The following EXT1 variants were observed in gnomAD, a reference collection of about 807,000 sequenced individuals.
EXT1 encodes the protein exostosin-1.
In EXT1, 20 loss-of-function variants were observed where a neutral mutation model predicts 82.5. The ratio of observed to expected loss-of-function variants is 0.24; its 90% confidence interval spans 0.17 to 0.35. EXT1 has a LOEUF of 0.35. EXT1 is among the 10% of genes least tolerant of loss of function. EXT1 has a pLI of 1.00. For synonymous variants in EXT1, 348 were observed against 350.8 expected (o/e 0.99, Z 0.09); for missense variants, 757 against 936.5 (o/e 0.81, Z 2.50).
At chr8:118,102,281 C>T (rs1817733804) in intron 1 of EXT1, among the ~76,000 whole-genome samples, 1 of 148,070 alleles carries the variant, frequency 6.8e-6, no homozygotes, top group South Asian at 2.1e-4. Context: ...TAATAATAAA[C>T]AAATAAAATA....
At chr8:117,935,224 C>G (rs1471763004) in intron 1 of EXT1, among the ~76,000 whole-genome samples, 1 of 152,042 alleles carries the variant, frequency 6.6e-6, no homozygotes, top group Non-Finnish European at 1.5e-5. Flanking sequence ...CTAATAGTGT[C>G]ATGTCCATGG....
rs142137532 is a variant in EXT1, at chr8:117,796,830, G to A, written c.*2882C>T. 4.4e-4 allele frequency: 67 copies of A among 152,240 alleles called. No homozygotes were observed. In the East Asian group the frequency reaches 0.013, roughly 29 times the overall value. The allele number at this position is 152,240 out of a possible 1,614,324, so 9.4% of individuals were successfully genotyped here. ...AAAGGTGATATGTATTAATGTATTT[G>A]TAAGCTTTGATATTTATAACACTTT... On this transcript the variant is annotated 3_prime_UTR_variant, in exon 11 of 11. Transcript: ENST00000378204.
chr8:117,809,218 A>AT (rs1823280806), intron 8 of EXT1, among the ~76,000 whole-genome samples: 1 of 107,944 alleles, frequency 9.3e-6, no homozygotes. Flanking sequence ...TGTGTGTATA[A>AT]ATATATATAT....
At chr8:117,846,876 C>T (rs1812370563) in intron 1 of EXT1, among the ~76,000 whole-genome samples, 1 of 152,128 alleles carries the variant, frequency 6.6e-6, no homozygotes, top group Non-Finnish European at 1.5e-5. Context: ...GGAGGGAGCA[C>T]TTCTTCCCTA....
chr8:118,008,230 G>A (rs922986759), intron 1 of EXT1, among the ~76,000 whole-genome samples: 1 of 151,956 alleles, frequency 6.6e-6, no homozygotes, highest in African/African-American at 2.4e-5. Context: ...CTTCCACAAT[G>A]GTTGAGCTAA....
chr8:117,867,349 G>A (rs1159663448), intron 1 of EXT1, among the ~76,000 whole-genome samples: 1 of 151,754 alleles, frequency 6.6e-6, no homozygotes, highest in Non-Finnish European at 1.5e-5. Context: ...TCCTGCTAGA[G>A]GTAGTGGTGG....
At position 117,851,650 on chromosome 8, in the gene EXT1, C is replaced by CACACACACACACACACACA. The variant is rs57555594; in HGVS notation, c.963-14450_963-14449insTGTGTGTGTGTGTGTGTGT. On this transcript the variant is annotated intron_variant, in intron 1 of 10. Transcript: ENST00000378204. ...ACACACACACACACACACACACACA[C>CACACACACACACACACACA]CATTATTTAATTTATTTAATGCATT... is the stretch of plus-strand genomic sequence containing the variant. Among the ~76,000 whole-genome samples, 3 of 146,418 alleles carry CACACACACACACACACACA rather than the reference C, an allele frequency of 2.0e-5. No individual in the cohort carries two copies. In the East Asian group the frequency reaches 6.0e-4, roughly 29 times the overall value.
chr8:117,919,786 GA>G (rs1214335462), intron 1 of EXT1, among the ~76,000 whole-genome samples: 1 of 152,134 alleles, frequency 6.6e-6, no homozygotes, highest in Non-Finnish European at 1.5e-5. Context: ...TTAAAGCCAT[GA>G]GCTACCACAC....
chr8:117,811,883 G>A (rs1036801514), intron 8 of EXT1, among the ~76,000 whole-genome samples: 8 of 152,122 alleles, frequency 5.3e-5, no homozygotes, highest in African/African-American at 1.9e-4. Flanking sequence ...CAAAGTGCTG[G>A]GATTACAGGC....
intron 1 of EXT1, among the ~76,000 whole-genome samples, chr8:117,858,859 A>C (rs1587015087): frequency 1.6e-5 from 1 of 61,902 alleles, no homozygotes; most frequent in African/African-American, 5.0e-5. Flanking sequence ...GAAAGAAAGA[A>C]AGAAAGAAAG....
chr8:117,864,146 A>T (rs1812733226), intron 1 of EXT1, among the ~76,000 whole-genome samples: 1 of 152,194 alleles, frequency 6.6e-6, no homozygotes, highest in Admixed American at 6.5e-5. Flanking sequence ...GTTAAGAAAA[A>T]ATTCTTAAAG....
intron 1 of EXT1, among the ~76,000 whole-genome samples, chr8:117,965,988 GCA>G (rs1491303103): frequency 7.7e-6 from 1 of 130,588 alleles, no homozygotes; most frequent in African/African-American, 3.8e-5. Flanking sequence ...ACACATACAT[GCA>G]TATACACACA....
rs886062636 is a variant in EXT1, at chr8:118,111,103, C to G, written c.-57G>C. On this transcript the variant is annotated 5_prime_UTR_variant, in exon 1 of 11. Transcript: ENST00000378204. ...AAACACAAGAATCACCCAAGTTTCCCAATCAACACTTTCAGCTCCAGTCCG... is the reference window on the plus strand; with the variant it reads ...AAACACAAGAATCACCCAAGTTTCCGAATCAACACTTTCAGCTCCAGTCCG... 68 of 1,539,578 alleles carry G rather than the reference C, an allele frequency of 4.4e-5. No homozygotes were observed. Among genetic ancestry groups the G allele is most frequent in the Non-Finnish European group, 5.7e-5 (66 of 1,148,616 alleles).
intron 1 of EXT1, among the ~76,000 whole-genome samples, chr8:118,005,363 G>A (rs1026301429): frequency 8.5e-5 from 13 of 152,136 alleles, no homozygotes; most frequent in African/African-American, 2.7e-4. Flanking sequence ...TACAAAGCTC[G>A]ATTTGCTACA....
intron 1 of EXT1, among the ~76,000 whole-genome samples, chr8:117,841,080 G>A (rs568505528): frequency 6.6e-6 from 1 of 152,300 alleles, no homozygotes; most frequent in African/African-American, 2.4e-5. Flanking sequence ...GTATCCCAGA[G>A]AAATGGAAAC....
intron 1 of EXT1, among the ~76,000 whole-genome samples, chr8:118,030,240 GAA>G (rs111388229): frequency 8.2e-6 from 1 of 122,512 alleles, no homozygotes; most frequent in Non-Finnish European, 1.8e-5. Context: ...CCCATACTTA[GAA>G]AAAAAAAAAA....
At position 117,921,519 on chromosome 8, in the gene EXT1, T is replaced by C. The variant is rs556055086; in HGVS notation, c.963-84318A>G. ...TCACTCATTGGCAAAATGAGAATAA[T>C]AACACTAGTTCAGACAACTTCATGA... On this transcript the variant is annotated intron_variant, in intron 1 of 10. Transcript: ENST00000378204. Among the ~76,000 whole-genome samples the C allele has an allele frequency of 3.9e-5, 6 of 152,324 alleles. No homozygotes were observed. The East Asian group carries it at 1.2e-3, about 29-fold the overall frequency.
At chr8:118,007,753 G>A (rs1184414244) in intron 1 of EXT1, among the ~76,000 whole-genome samples, 1 of 152,152 alleles carries the variant, frequency 6.6e-6, no homozygotes, top group Admixed American at 6.5e-5. Flanking sequence ...GATAAGAAAG[G>A]AACAGGGAGA....
intron 1 of EXT1, among the ~76,000 whole-genome samples, chr8:118,081,450 G>A (rs1817328044): frequency 6.6e-6 from 1 of 152,160 alleles, no homozygotes; most frequent in South Asian, 2.1e-4. Flanking sequence ...CAGTGTTCTG[G>A]AATGCAGAAC....
Sources: allele counts gnomAD v4.1 joint callset (sites outside exome capture counted in the v4.1 genomes callset), GRCh38; gene constraint gnomAD v4.1.1; transcripts MANE v1.5; gene names NCBI Gene and HGNC (gene_info 2026-07-23, HGNC 2026-07-21).